DCDC2C: variants seen among roughly 807,000 people sequenced by gnomAD.
DCDC2C encodes doublecortin domain-containing protein 2C.
In DCDC2C, 44 loss-of-function variants were observed where a neutral mutation model predicts 45.0. That is an observed-to-expected ratio of 0.98 (90% confidence interval 0.77 to 1.26). The LOEUF (loss-of-function observed/expected upper bound fraction) is 1.26. DCDC2C is among the 50% of genes most tolerant of loss of function. The pLI is 0.00. For missense variants in DCDC2C, 447 were observed against 468.9 expected, an observed-to-expected ratio of 0.95 and a Z score of 0.43; for synonymous variants, 187 against 178.8, an observed-to-expected ratio of 1.05 and a Z score of -0.37.
chr2:3,744,954 A>G (rs2148113459), intron 4 of DCDC2C, among the ~76,000 whole-genome samples: 1 of 152,246 alleles, frequency 6.6e-6, no homozygotes, highest in African/African-American at 2.4e-5. Flanking sequence ...CTTCTGGGAG[A>G]AGCTAGAAAT....
chr2:3,799,044 A>G (rs1285556377), intron 10 of DCDC2C, among the ~76,000 whole-genome samples: 1 of 152,114 alleles, frequency 6.6e-6, no homozygotes, highest in Non-Finnish European at 1.5e-5. Context: ...ACATAGTCGC[A>G]TATTTCTTGG....
At chr2:3,718,411 G>A (rs545465834) in intron 2 of DCDC2C, among the ~76,000 whole-genome samples, 5 of 152,152 alleles carry the variant, frequency 3.3e-5, no homozygotes, top group Non-Finnish European at 5.9e-5. Context: ...GAGAGCATCA[G>A]TTCTCCTTAT....
At chr2:3,719,976 A>C (rs1302886251) in intron 2 of DCDC2C, among the ~76,000 whole-genome samples, 1 of 152,222 alleles carries the variant, frequency 6.6e-6, no homozygotes, top group African/African-American at 2.4e-5. Flanking sequence ...GGGACGACCC[A>C]GCCCGTGTGC....
chr2:3,756,941 T>A (rs1325922957), intron 6 of DCDC2C, among the ~76,000 whole-genome samples: 3 of 152,232 alleles, frequency 2.0e-5, no homozygotes, highest in African/African-American at 7.2e-5. Flanking sequence ...ATTTTCGTAT[T>A]AGGTGTTTGT....
rs1242199221 is a variant in DCDC2C at position 3,761,259 on chromosome 2, G to T, written c.727-6495G>T. Among the ~76,000 whole-genome samples, 2 of 152,178 alleles carry T rather than the reference G, an allele frequency of 1.3e-5. No individual in the cohort carries two copies. The highest frequency in any genetic ancestry group is 2.9e-5 in the Non-Finnish European group (2 of 68,032). On this transcript the variant is annotated intron_variant, in intron 6 of 10. Coordinates refer to ENST00000399143, the MANE Select transcript of DCDC2C (RefSeq NM_001287444.2). This position sits in a 1 kb window ranked among gnomAD's most constrained non-coding sequence, Gnocchi z 4.3. The stretch of plus-strand genomic sequence containing the variant: ...AATCAGTAAATAGTTAATAAGCATT[G>T]TATTTATATCACATCTGCAATCAGA...
rs1474336127 is a variant in DCDC2C at position 3,847,350 on chromosome 2, C to T, written c.*167C>T. 1 of 403,850 alleles carries T rather than the reference C, an allele frequency of 2.5e-6. No homozygotes were observed. The highest frequency in any genetic ancestry group is 4.3e-6 in the Non-Finnish European group (1 of 233,692). 25.0% of individuals were successfully genotyped at this position (403,850 alleles called of 1,614,324 possible). A position where few individuals can be genotyped will look rare whatever the true frequency, so the allele number is the denominator to read the frequency against. On this transcript the variant is annotated 3_prime_UTR_variant, in exon 11 of 11. Coordinates refer to ENST00000399143, the MANE Select transcript of DCDC2C (RefSeq NM_001287444.2). ...AAGACGAGGTTTCATAATTGAGCTC[C>T]ATTTCTTCTTATTCCCTTTCTCAGT... is the stretch of plus-strand genomic sequence containing the variant.
chr2:3,817,998 G>A (rs1344866174), intron 10 of DCDC2C, among the ~76,000 whole-genome samples: 1 of 152,278 alleles, frequency 6.6e-6, no homozygotes, highest in East Asian at 1.9e-4. Context: ...TCAGCAGGGA[G>A]AGCATGTGTG....
chr2:3,774,087 A>G (rs1670261188), intron 8 of DCDC2C, among the ~76,000 whole-genome samples: 1 of 152,238 alleles, frequency 6.6e-6, no homozygotes, highest in Non-Finnish European at 1.5e-5. Context: ...AGAAACCAAA[A>G]TAATTGGGAC....
intron 4 of DCDC2C, among the ~76,000 whole-genome samples, chr2:3,747,943 G>A (rs567416103): frequency 2.0e-5 from 3 of 152,272 alleles, no homozygotes; most frequent in South Asian, 2.1e-4. Flanking sequence ...CTGAGAAGGC[G>A]ACATTTGAGA....
intron 10 of DCDC2C, among the ~76,000 whole-genome samples, chr2:3,840,890 T>C (rs1224205864): frequency 6.6e-6 from 1 of 152,158 alleles, no homozygotes; most frequent in Non-Finnish European, 1.5e-5. Context: ...TCACCAAGCT[T>C]CCCACTGACA....
In DCDC2C at chr2:3,784,301, A is replaced by G. The variant is rs1670591838; in HGVS notation, c.1024-758A>G. ...TATAAATCAATGCAGCCCTTTGGAA[A>G]AGAGTTTTTGCTCTTTCTATTAAAA... On this transcript the variant is annotated intron_variant, in intron 9 of 10. Transcript: ENST00000399143. 2.0e-5 allele frequency among the ~76,000 whole-genome samples: 3 copies of G among 152,202 alleles called. 1 individual carries two copies. Among genetic ancestry groups the G allele is most frequent in the Admixed American group, 6.5e-5 (1 of 15,288 alleles).
chr2:3,760,144 G>A (rs1669840068), intron 6 of DCDC2C, among the ~76,000 whole-genome samples: 1 of 152,210 alleles, frequency 6.6e-6, no homozygotes, highest in South Asian at 2.1e-4. Flanking sequence ...TCTAATTTAA[G>A]CTGTTGGAGC....
At chr2:3,807,333 G>A (rs551976566) in intron 10 of DCDC2C, among the ~76,000 whole-genome samples, 1 of 152,270 alleles carries the variant, frequency 6.6e-6, no homozygotes, top group South Asian at 2.1e-4. Flanking sequence ...TGCAGCAGGG[G>A]TGGGCGAAGT....
Position 3,721,009 on chromosome 2 carries a change from T to C in DCDC2C, c.340-5994T>C, listed in dbSNP as rs75292334. Among the ~76,000 whole-genome samples, 743 of 152,316 alleles carry C rather than the reference T, an allele frequency of 4.9e-3. 23 individuals carry two copies. In the East Asian group the frequency reaches 0.1, roughly 21 times the overall value. On this transcript the variant is annotated intron_variant, in intron 2 of 10. Coordinates refer to ENST00000399143, the MANE Select transcript of DCDC2C (RefSeq NM_001287444.2). ...TAGTTTTTGTCTTTTGATTCGTTCA[T>C]TTCGTTTAAGTTGTTGAATCTGTTG... is the stretch of plus-strand genomic sequence containing the variant.
chr2:3,740,094 G>T (rs1343681742), intron 3 of DCDC2C, among the ~76,000 whole-genome samples: 1 of 152,196 alleles, frequency 6.6e-6, no homozygotes, highest in Non-Finnish European at 1.5e-5. Context: ...GTAGCCCACT[G>T]TTGTGGTTTT....
At chr2:3,790,836 C>T (rs927865783) in intron 10 of DCDC2C, among the ~76,000 whole-genome samples, 9 of 152,052 alleles carry the variant, frequency 5.9e-5, no homozygotes, top group African/African-American at 1.9e-4. Flanking sequence ...AGGCCGGGCG[C>T]GGTGGTTCAT....
At chr2:3,726,420 T>C (rs1007710280) in intron 2 of DCDC2C, among the ~76,000 whole-genome samples, 22 of 152,112 alleles carry the variant, frequency 1.4e-4, no homozygotes, top group African/African-American at 4.8e-4. Context: ...TCAGTAGTTC[T>C]TTTCCCCCTT....
Position 3,747,899 on chromosome 2 carries a change from C to T in DCDC2C, c.546-4864C>T, listed in dbSNP as rs374251145. Among the ~76,000 whole-genome samples the T allele has an allele frequency of 4.1e-4, 62 of 152,218 alleles. No individual in the cohort carries two copies. In the East Asian group the frequency reaches 5.8e-3, roughly 14 times the overall value. On this transcript the variant is annotated intron_variant, in intron 4 of 10. Transcript: ENST00000399143. ...GAGGAATGAAGCAGGGCAGGGCTTGCGGTGAGTCACTGGGCTGGTCAGGGC... is the reference window on the plus strand; with the variant it reads ...GAGGAATGAAGCAGGGCAGGGCTTGTGGTGAGTCACTGGGCTGGTCAGGGC...
At chr2:3,799,742 T>C (rs190581732) in intron 10 of DCDC2C, among the ~76,000 whole-genome samples, 14,345 of 151,826 alleles carry the variant, frequency 0.094, 212 homozygotes, top group East Asian at 0.26. Flanking sequence ...TCTCCAGCTG[T>C]GTGCTGGGAG....
Sources: gnomAD v4.1 joint callset for allele counts (sites outside exome capture counted in the v4.1 genomes callset) on GRCh38, gnomAD v4.1.1 for gene constraint, Gnocchi (gnomAD v3.1) non-coding constraint, MANE v1.5 for transcripts, NCBI Gene and HGNC (gene_info 2026-07-23, HGNC 2026-07-21) for gene names.